The following PHYKPL variants were observed in gnomAD, a reference collection of about 807,000 sequenced individuals.
PHYKPL encodes 5-phosphonooxy-L-lysine phospho-lyase.
PHYKPL carries 42 observed loss-of-function variants against 51.3 expected under a neutral mutation model. That is an observed-to-expected ratio of 0.82 (90% confidence interval 0.64 to 1.06). The LOEUF (loss-of-function observed/expected upper bound fraction) is 1.06, where lower values mean the gene tolerates loss of function less well. Among genes scored for constraint, PHYKPL ranks in the 50% least tolerant of loss-of-function variants. PHYKPL has a pLI of 0.00. For synonymous variants in PHYKPL, 264 were observed against 236.0 expected, an observed-to-expected ratio of 1.12 and a Z score of -1.09; for missense variants, 655 against 586.6, an observed-to-expected ratio of 1.12 and a Z score of -1.20.
chr5:178,230,339 G>GCC, intron 2 of PHYKPL: 1 of 506,742 alleles, frequency 2.0e-6, no homozygotes, highest in Non-Finnish European at 3.6e-6. Context: ...TGTCTAGAAA[G>GCC]CCCATGTCTT....
downstream of PHYKPL, among the ~76,000 whole-genome samples, chr5:178,207,422 AAAC>A (rs1316589066): frequency 6.6e-6 from 1 of 152,214 alleles, no homozygotes; most frequent in Admixed American, 6.5e-5. Context: ...GACTGCCAAT[AAAC>A]AACACAGGAT....
intron 4 of PHYKPL, 138 bp from the exon 5 acceptor site, chr5:178,224,867 G>A: frequency 1.5e-6 from 1 of 646,850 alleles, no homozygotes; most frequent in South Asian, 2.0e-5. Context: ...TCTTGGGCTG[G>A]GAAAGAGCAC....
At chr5:178,211,339 C>T (rs1402681892) in intron 12 of PHYKPL, 2 of 153,738 alleles carry the variant, frequency 1.3e-5, no homozygotes, top group East Asian at 3.8e-4. Flanking sequence ...CTGAGCCCCC[C>T]TTCAAAGAAA....
intron 8 of PHYKPL, 37 bp from the exon 9 acceptor site, chr5:178,215,467 C>G: frequency 6.3e-7 from 1 of 1,582,196 alleles, no homozygotes; most frequent in Non-Finnish European, 8.6e-7. Context: ...GATGCCCTGG[C>G]AGAGTGGGCC....
chr5:178,214,975 G>C, intron 9 of PHYKPL, 90 bp from the exon 10 acceptor site: 1 of 1,191,196 alleles, frequency 8.4e-7, no homozygotes, highest in Middle Eastern at 2.8e-4. Flanking sequence ...TGTGCCTCCT[G>C]AGGGGGCTGA....
intron 12 of PHYKPL, chr5:178,210,777 T>TAGTCAACAGGA: frequency 1.5e-6 from 1 of 667,124 alleles, no homozygotes; most frequent in South Asian, 1.7e-5. Context: ...ACTCTCCTGT[T>TAGTCAACAGGA]GACTATTTCC....
intron 1 of PHYKPL, chr5:178,232,129 G>C (rs1014068168): frequency 8.4e-7 from 1 of 1,192,150 alleles, no homozygotes; most frequent in African/African-American, 1.6e-5. Flanking sequence ...TGCTGCTGAC[G>C]GGCCACCCTG....
At chr5:178,217,202 G>A (rs1349914670) in intron 8 of PHYKPL, among the ~76,000 whole-genome samples, 1 of 151,296 alleles carries the variant, frequency 6.6e-6, no homozygotes, top group Non-Finnish European at 1.5e-5. Context: ...ATGAAATGAA[G>A]CATTTACTAG....
intron 8 of PHYKPL, among the ~76,000 whole-genome samples, chr5:178,219,907 T>C (rs1374119395): frequency 6.6e-6 from 1 of 151,856 alleles, no homozygotes; most frequent in Admixed American, 6.6e-5. Context: ...CTGAAGAAGA[T>C]ATAGGCCGGG....
chr5:178,209,244 TTGA>T, intron 12 of PHYKPL: 10 of 1,030,428 alleles, frequency 9.7e-6, no homozygotes, highest in Non-Finnish European at 1.5e-5. Context: ...GATCCACCAT[TTGA>T]TGTTTGTCGC....
intron 4 of PHYKPL, 104 bp from the exon 5 acceptor site, chr5:178,224,833 A>C: frequency 1.2e-6 from 1 of 857,060 alleles, no homozygotes; most frequent in Non-Finnish European, 1.8e-6. Context: ...AGGGAGGCCA[A>C]CTTTCCTGAC....
intron 10 of PHYKPL, 78 bp from the exon 11 acceptor site, chr5:178,213,181 A>T (rs1022444746): frequency 6.4e-7 from 1 of 1,569,188 alleles, no homozygotes; most frequent in African/African-American, 1.3e-5. Flanking sequence ...CCAGTGCTCC[A>T]GCCACACTGT....
At chr5:178,232,057 C>T (rs1193537449) in intron 1 of PHYKPL, 3 of 1,190,126 alleles carry the variant, frequency 2.5e-6, no homozygotes, top group African/African-American at 3.2e-5. Context: ...AACCGACTCC[C>T]CCGACTCTCC....
rs545627154 is a variant in PHYKPL, at chr5:178,208,519, A to C, written c.*428T>G. On this transcript the variant is annotated 3_prime_UTR_variant, in exon 13 of 13. Coordinates refer to ENST00000308158, the MANE Select transcript of PHYKPL (RefSeq NM_153373.4). Reference sequence around the variant, plus strand: ...TAGTTGGTTATATTCAGTATTTTTAATTTAGTAGGATAGAATATATCAGAT... The same window carrying C: ...TAGTTGGTTATATTCAGTATTTTTACTTTAGTAGGATAGAATATATCAGAT... 3.3e-5 allele frequency: 5 copies of C among 152,288 alleles called. No homozygotes were observed. Among genetic ancestry groups the C allele is most frequent in the Admixed American group, 2.6e-4 (4 of 15,290 alleles). The allele number at this position is 152,288 out of a possible 1,614,324, so 9.4% of individuals were successfully genotyped here.
rs774597224 is a variant in PHYKPL, at chr5:178,229,978, C to G, written c.300G>C (p.Leu100=). ...AATAGAACACACAGAGCTGCTCCGG[C>G]AGGGTCTCTGACAGCCTCTGCGCAT... ...VDYAQRLSET[L]PEQLCVFYFL... The change falls in exon 3 of 13, where the codon CTG becomes CTC. Residue 100 remains leucine, a synonymous_variant. Coordinates refer to ENST00000308158, the MANE Select transcript of PHYKPL (RefSeq NM_153373.4). 1.2e-6 allele frequency: 2 copies of G among 1,614,228 alleles called. No individual in the cohort carries two copies. Among genetic ancestry groups the G allele is most frequent in the Admixed American group, 3.3e-5 (2 of 60,028 alleles).
At chr5:178,224,274 G>T in intron 6 of PHYKPL, 174 bp downstream of exon 6, 1 of 709,804 alleles carries the variant, frequency 1.4e-6, no homozygotes, top group Non-Finnish European at 2.3e-6. Context: ...CCACGCCCAT[G>T]CTAGGCCGTG....
intron 6 of PHYKPL, chr5:178,223,215 AT>A: frequency 4.6e-6 from 2 of 435,142 alleles, no homozygotes; most frequent in Non-Finnish European, 8.7e-6. Flanking sequence ...CCTGTCCCCC[AT>A]TTTTGATCCA....
intron 10 of PHYKPL, among the ~76,000 whole-genome samples, chr5:178,213,956 G>T (rs1046868738): frequency 6.6e-6 from 1 of 152,154 alleles, no homozygotes; most frequent in African/African-American, 2.4e-5. Flanking sequence ...GTGAGACACG[G>T]GCTGAACTTG....
intron 9 of PHYKPL, 90 bp downstream of exon 9, chr5:178,215,186 C>A (rs750227508): frequency 6.3e-7 from 1 of 1,585,792 alleles, no homozygotes; most frequent in South Asian, 1.1e-5. Context: ...CGGACATAAC[C>A]CCACCATCCC....
Sources: gnomAD v4.1 joint callset for allele counts (sites outside exome capture counted in the v4.1 genomes callset) on GRCh38, gnomAD v4.1.1 for gene constraint, MANE v1.5 for transcripts, NCBI Gene and HGNC (gene_info 2026-07-23, HGNC 2026-07-21) for gene names.